The following ADAM10 variants were observed in gnomAD, a reference collection of about 807,000 sequenced individuals.
The protein encoded by ADAM10 is disintegrin and metalloproteinase domain-containing protein 10.
In ADAM10, 17 loss-of-function variants were observed where a neutral mutation model predicts 90.1. The observed-to-expected ratio is 0.19, with a 90% CI of 0.13 to 0.28. ADAM10 has a LOEUF of 0.28. Ranked by LOEUF, ADAM10 falls within the 10% of genes least tolerant of loss-of-function variation. ADAM10 has a pLI of 1.00. For missense variants in ADAM10, 610 were observed against 914.3 expected (o/e 0.67, Z 4.29); for synonymous variants, 310 against 298.6 (o/e 1.04, Z -0.40).
intron 1 of ADAM10, among the ~76,000 whole-genome samples, chr15:58,727,109 C>G (rs1899056488): frequency 6.6e-6 from 1 of 150,844 alleles, no homozygotes; most frequent in Non-Finnish European, 1.5e-5. Flanking sequence ...TAGCTTCAAG[C>G]AACCCAGTCA....
At chr15:58,706,399 T>C (rs530108451) in intron 2 of ADAM10, among the ~76,000 whole-genome samples, 1 of 152,196 alleles carries the variant, frequency 6.6e-6, no homozygotes, top group Non-Finnish European at 1.5e-5. Flanking sequence ...GCATTTCTGA[T>C]GTTTCCAGAT....
At chr15:58,622,929 T>C (rs950482479) in intron 10 of ADAM10, among the ~76,000 whole-genome samples, 18 of 152,248 alleles carry the variant, frequency 1.2e-4, no homozygotes, top group African/African-American at 4.3e-4. Context: ...TATCCCAGTA[T>C]AGGCAAAACA....
intron 11 of ADAM10, among the ~76,000 whole-genome samples, chr15:58,612,825 G>C (rs1028834057): frequency 6.6e-6 from 1 of 152,194 alleles, no homozygotes; most frequent in Non-Finnish European, 1.5e-5. Flanking sequence ...GTGCTAGGGA[G>C]TAACCCAGAG....
intron 1 of ADAM10, among the ~76,000 whole-genome samples, chr15:58,726,773 G>A (rs575291506): frequency 6.6e-6 from 1 of 151,488 alleles, no homozygotes; most frequent in African/African-American, 2.4e-5. Flanking sequence ...AGTGAGGTGG[G>A]AGGACTGCTT....
chr15:58,631,362 G>C lies in ADAM10; in HGVS notation c.1176+1834C>G, dbSNP rs148451294. ...GGTACGATTGAGCGTGGTAGGCAAA[G>C]AGTGTGAACCAATTTCTCCATTAAA... On this transcript the variant is annotated intron_variant, in intron 9 of 15. Transcript: ENST00000260408. 2.2e-4 allele frequency among the ~76,000 whole-genome samples: 34 copies of C among 152,286 alleles called. No homozygotes were observed. The East Asian group carries it at 6.4e-3, about 29-fold the overall frequency.
At chr15:58,743,324 C>A (rs1341934360) in intron 1 of ADAM10, among the ~76,000 whole-genome samples, 13 of 152,126 alleles carry the variant, frequency 8.5e-5, no homozygotes, top group African/African-American at 3.1e-4. Flanking sequence ...CCAATGACTG[C>A]CCTTGCCCAC....
At chr15:58,693,606 A>G (rs1319745520) in intron 2 of ADAM10, among the ~76,000 whole-genome samples, 4 of 152,200 alleles carry the variant, frequency 2.6e-5, no homozygotes, top group African/African-American at 9.6e-5. Context: ...ACAGACTTAC[A>G]TGTAAAACTG....
rs71116591 is a variant in ADAM10, at chr15:58,714,292, TAC to T, written c.206+3283_206+3284del. Among the ~76,000 whole-genome samples, 1,381 of 142,974 alleles carry T rather than the reference TAC, an allele frequency of 9.7e-3. 10 individuals are homozygous for T. The highest frequency in any genetic ancestry group is 0.02 in the African/African-American group (781 of 38,706). 93.8% of individuals were successfully genotyped at this position (142,974 alleles called of 152,430 possible). ...TTACTTTAATACTTATACATACACATACACACACACACACACACACACACACA... is the reference window on the plus strand; with the variant it reads ...TTACTTTAATACTTATACATACACATACACACACACACACACACACACACA... On this transcript the variant is annotated intron_variant, in intron 2 of 15. Coordinates refer to ENST00000260408, the MANE Select transcript of ADAM10 (RefSeq NM_001110.4).
rs766549136 is a variant in ADAM10, at chr15:58,633,402, C to T, written c.1013-43G>A. Reference sequence around the variant, plus strand: ...AATGGCTAAATTAGTATCTGTTTCCCCTTACCCCCAAAAAGGTAATACATG... The same window carrying T: ...AATGGCTAAATTAGTATCTGTTTCCTCTTACCCCCAAAAAGGTAATACATG... On this transcript the variant is annotated intron_variant, in intron 8 of 15. Transcript: ENST00000260408. 8 of 1,549,580 alleles carry T rather than the reference C, an allele frequency of 5.2e-6. 1 individual carries two copies. The South Asian group carries it at 6.7e-5, about 13-fold the overall frequency.
At chr15:58,695,393 A>C (rs1897947998) in intron 2 of ADAM10, among the ~76,000 whole-genome samples, 1 of 152,236 alleles carries the variant, frequency 6.6e-6, no homozygotes, top group Admixed American at 6.5e-5. Flanking sequence ...GCAAACTGAT[A>C]GGAAATTCTA....
chr15:58,646,293 T>A, intron 5 of ADAM10, 89 bp from the exon 6 acceptor site: 1 of 1,303,336 alleles, frequency 7.7e-7, no homozygotes, highest in Non-Finnish European at 1.1e-6. Context: ...AACAATTTCA[T>A]ATTCTGCTTT....
chr15:58,606,136 A>T (rs1270173043), intron 14 of ADAM10, among the ~76,000 whole-genome samples: 1 of 152,210 alleles, frequency 6.6e-6, no homozygotes, highest in Non-Finnish European at 1.5e-5. Flanking sequence ...CATGGGTCAC[A>T]AGACCATGTG....
At chr15:58,748,786 C>T (rs1406883891) in intron 1 of ADAM10, 6 of 397,050 alleles carry the variant, frequency 1.5e-5, no homozygotes, top group Admixed American at 4.4e-5. Context: ...TTCAAGAACA[C>T]CAACACACCC....
chr15:58,683,268 T>C (rs1418854742), intron 2 of ADAM10, among the ~76,000 whole-genome samples: 1 of 152,158 alleles, frequency 6.6e-6, no homozygotes, highest in African/African-American at 2.4e-5. Context: ...TACAACAAAG[T>C]ATTACGTCTT....
At chr15:58,697,530 A>C (rs1281154985) in intron 2 of ADAM10, among the ~76,000 whole-genome samples, 2 of 152,114 alleles carry the variant, frequency 1.3e-5, no homozygotes, top group African/African-American at 2.4e-5. Context: ...CTGCCATTAC[A>C]TACCACAGCT....
chr15:58,623,165 GATA>G (rs1400594141), intron 10 of ADAM10, among the ~76,000 whole-genome samples: 1 of 152,298 alleles, frequency 6.6e-6, no homozygotes, highest in East Asian at 1.9e-4. Context: ...TTTATATTCA[GATA>G]ATTATTTCTT....
At chr15:58,662,503 A>G (rs184077506) in intron 5 of ADAM10, among the ~76,000 whole-genome samples, 3 of 152,194 alleles carry the variant, frequency 2.0e-5, no homozygotes, top group Admixed American at 1.3e-4. Context: ...CAGCTAATTA[A>G]AAATAATAAT....
At chr15:58,659,014 C>A (rs996881343) in intron 5 of ADAM10, among the ~76,000 whole-genome samples, 40 of 152,122 alleles carry the variant, frequency 2.6e-4, no homozygotes, top group African/African-American at 9.2e-4. Context: ...TGGGCTCACA[C>A]CTGTAATCTC....
chr15:58,668,071 TAGAA>T (rs1470067758), intron 4 of ADAM10, among the ~76,000 whole-genome samples: 1 of 152,154 alleles, frequency 6.6e-6, no homozygotes, highest in African/African-American at 2.4e-5. Context: ...CCATGGGTTT[TAGAA>T]AGAAAGGGTT....
Sources: gnomAD v4.1 joint callset for allele counts (sites outside exome capture counted in the v4.1 genomes callset) on GRCh38, gnomAD v4.1.1 for gene constraint, MANE v1.5 for transcripts, NCBI Gene and HGNC (gene_info 2026-07-23, HGNC 2026-07-21) for gene names.